The following HAPSTR1 variants were observed in gnomAD, a reference collection of about 807,000 sequenced individuals.
HAPSTR1 encodes the protein HUWE1-associated protein modifying stress responses 1.
At chr16:9,107,557 A>G in the HAPSTR1 span, 1 of 152,184 alleles carries the variant, frequency 6.6e-6, no homozygotes, top group African/African-American at 2.4e-5. Flanking sequence ...TGGTCTTGTC[A>G]CTTCATGGTT....
chr16:9,096,828 G>C, the HAPSTR1 span, among the ~76,000 whole-genome samples: 1 of 151,912 alleles, frequency 6.6e-6, no homozygotes, highest in African/African-American at 2.4e-5. Flanking sequence ...GTGAGATCCC[G>C]TGTCTTAAAA....
the HAPSTR1 span, among the ~76,000 whole-genome samples, chr16:9,116,090 C>G: frequency 6.6e-6 from 1 of 152,184 alleles, no homozygotes; most frequent in African/African-American, 2.4e-5. Context: ...GGTAGACTGA[C>G]TTTGTACCTC....
At chr16:9,109,273 T>G in the HAPSTR1 span, 2 of 152,148 alleles carry the variant, frequency 1.3e-5, no homozygotes, top group Non-Finnish European at 2.9e-5. Flanking sequence ...TGAAATCTAG[T>G]CTGCCTTCAT....
At chr16:9,096,417 ATG>A in the HAPSTR1 span, among the ~76,000 whole-genome samples, 1 of 152,156 alleles carries the variant, frequency 6.6e-6, no homozygotes, top group Non-Finnish European at 1.5e-5. Context: ...ATTGGAGTAA[ATG>A]TAAGTAGAAT....
the HAPSTR1 span, chr16:9,092,891 G>T: frequency 1.6e-4 from 234 of 1,499,778 alleles, no homozygotes; most frequent in Middle Eastern, 3.9e-4. Flanking sequence ...TTTTCTTTTT[G>T]GTTTTTTTTT....
the HAPSTR1 span, chr16:9,116,751 A>G: frequency 6.2e-7 from 1 of 1,614,194 alleles, no homozygotes; most frequent in Non-Finnish European, 8.5e-7. Flanking sequence ...ATCGAATGCT[A>G]GTCGAAGGAG....
the HAPSTR1 span, chr16:9,109,002 G>C: frequency 2.3e-3 from 346 of 152,264 alleles, no homozygotes; most frequent in African/African-American, 8.0e-3. Context: ...AGGATCTCAA[G>C]GCCCAGTGGC....
the HAPSTR1 span, chr16:9,108,121 C>T: frequency 1.3e-5 from 2 of 152,106 alleles, no homozygotes; most frequent in Non-Finnish European, 2.9e-5. Flanking sequence ...AGGGTGATAA[C>T]CATTAAACCT....
chr16:9,093,424 A>G, the HAPSTR1 span, among the ~76,000 whole-genome samples: 1 of 152,196 alleles, frequency 6.6e-6, no homozygotes, highest in East Asian at 1.9e-4. Flanking sequence ...ACATTGAGGG[A>G]AGATAAGAGT....
At chr16:9,094,499 T>C in the HAPSTR1 span, among the ~76,000 whole-genome samples, 116 of 152,034 alleles carry the variant, frequency 7.6e-4, no homozygotes, top group Non-Finnish European at 1.2e-3. Flanking sequence ...TTTTTTTTTT[T>C]AAGAAGTAGA....
the HAPSTR1 span, among the ~76,000 whole-genome samples, chr16:9,094,479 A>G: frequency 6.6e-6 from 1 of 151,738 alleles, no homozygotes; most frequent in South Asian, 2.1e-4. Flanking sequence ...TTTAGGATAT[A>G]TACTTTGATT....
chr16:9,116,562 A>G, the HAPSTR1 span: 3 of 1,414,018 alleles, frequency 2.1e-6, no homozygotes, highest in Non-Finnish European at 2.9e-6. Context: ...TTATAAAGGA[A>G]ATAGGCAGAC....
At chr16:9,104,239 G>A in the HAPSTR1 span, 108 of 151,434 alleles carry the variant, frequency 7.1e-4, no homozygotes, top group Non-Finnish European at 1.3e-3. Context: ...TCAGCCTCCC[G>A]AGTAGCTGGG....
the HAPSTR1 span, chr16:9,103,942 CTAA>C: frequency 6.6e-6 from 1 of 152,230 alleles, no homozygotes; most frequent in African/African-American, 2.4e-5. Context: ...TTGTTGCTGT[CTAA>C]TACAGACTTC....
chr16:9,118,043 T>TA, the HAPSTR1 span: 1 of 152,636 alleles, frequency 6.6e-6, no homozygotes, highest in African/African-American at 2.4e-5. Context: ...TAGGTAGACC[T>TA]AAATAAAAAG....
At chr16:9,094,549 C>G in the HAPSTR1 span, among the ~76,000 whole-genome samples, 317 of 151,954 alleles carry the variant, frequency 2.1e-3, 1 homozygote, top group Middle Eastern at 0.01. Context: ...CTGGCAGTCA[C>G]TGATTTGATT....
At chr16:9,113,712 A>G in the HAPSTR1 span, among the ~76,000 whole-genome samples, 6 of 152,222 alleles carry the variant, frequency 3.9e-5, no homozygotes, top group African/African-American at 1.4e-4. Flanking sequence ...ACGAAAGGTT[A>G]TCTTTGAAGA....
At chr16:9,092,009 C>CGA in the HAPSTR1 span, 1 of 1,466,748 alleles carries the variant, frequency 6.8e-7, no homozygotes, top group Non-Finnish European at 9.1e-7. Flanking sequence ...GAGGACGCGG[C>CGA]GGCGGTGGCG....
At chr16:9,094,693 C>T in the HAPSTR1 span, among the ~76,000 whole-genome samples, 1 of 152,148 alleles carries the variant, frequency 6.6e-6, no homozygotes, top group African/African-American at 2.4e-5. Flanking sequence ...AGTTCAGTGC[C>T]TTTTGATTGG....
Sources: gnomAD v4.1 joint callset for allele counts (sites outside exome capture counted in the v4.1 genomes callset) on GRCh38, gnomAD v4.1.1 for gene constraint, MANE v1.5 for transcripts, NCBI Gene and HGNC (gene_info 2026-07-23, HGNC 2026-07-21) for gene names.